The following ERGIC2 variants were observed in gnomAD, a reference collection of about 807,000 sequenced individuals.
ERGIC2 encodes endoplasmic reticulum-Golgi intermediate compartment protein 2.
Under a neutral mutation model 52.5 loss-of-function variants are expected in ERGIC2, and 31 were observed. The ratio of observed to expected loss-of-function variants is 0.59; its 90% CI spans 0.44 to 0.80. The LOEUF is 0.80. Among genes scored for constraint, ERGIC2 ranks in the 30% least tolerant of loss-of-function variants. ERGIC2 has a pLI of 0.00. For missense variants in ERGIC2, 395 were observed against 455.2 expected, an observed-to-expected ratio of 0.87 and a Z score of 1.20; for synonymous variants, 129 against 140.6, an observed-to-expected ratio of 0.92 and a Z score of 0.58.
chr12:29,361,627 A>T lies in ERGIC2; in HGVS notation c.374+18T>A. Reference sequence around the variant, plus strand: ...GACTTAGATTTCTATGGACCACAATACTTTGTTCTCTTATTACCTCTGCCA... The same window carrying T: ...GACTTAGATTTCTATGGACCACAATTCTTTGTTCTCTTATTACCTCTGCCA... On this transcript the variant is annotated intron_variant, in intron 6 of 13. Transcript: ENST00000360150. The T allele has an allele frequency of 6.3e-7, 1 of 1,590,424 alleles. No individual in the cohort carries two copies. The highest frequency in any genetic ancestry group is 8.6e-7 in the Non-Finnish European group (1 of 1,165,586).
At chr12:29,343,335 T>A in intron 11 of ERGIC2, 53 bp from the exon 12 acceptor site, 4 of 1,437,792 alleles carry the variant, frequency 2.8e-6, no homozygotes, top group South Asian at 1.4e-5. Context: ...AGAAACAGAA[T>A]TCATGTCATC....
At position 29,349,104 on chromosome 12, in the gene ERGIC2, A is replaced by G. The variant is rs895614465; in HGVS notation, c.702T>C (p.Asp234=). ...GATCTATAGCAATTTTTTCAGTTCC[A>G]TCTAAAGGATTAATAATTGCTGGAA... ...ELVPAIINPL[D]GTEKIAIDHN... is the part of the protein sequence containing the mutation. The change falls in exon 10 of 14, where the codon GAT becomes GAC. Residue 234 remains aspartate, a synonymous_variant. Coordinates refer to ENST00000360150, the MANE Select transcript of ERGIC2 (RefSeq NM_016570.3). The G allele has an allele frequency of 1.3e-6, 2 of 1,564,134 alleles. No individual in the cohort carries two copies. Among genetic ancestry groups the G allele is most frequent in the Non-Finnish European group, 1.7e-6 (2 of 1,150,980 alleles).
At chr12:29,344,419 T>C (rs1259657869) in intron 11 of ERGIC2, among the ~76,000 whole-genome samples, 1 of 152,210 alleles carries the variant, frequency 6.6e-6, no homozygotes, top group East Asian at 1.9e-4. Context: ...CAACTGTATG[T>C]ATTGCCTTGA....
In ERGIC2 at chr12:29,350,044, A is replaced by G. The variant is rs763525481; in HGVS notation, c.597T>C (p.His199=). ...VGKAIPHPRG[H]AHLAALVNHE... ...GGTTGACAAGTGCTGCCAAATGTGC[A>G]TGACCACGAGGATGTGGAATTGCCC... is the stretch of plus-strand genomic sequence containing the variant. Residue 199 remains histidine, a synonymous_variant, in exon 9 of 14, where the codon CAT becomes CAC. Transcript: ENST00000360150. 41 of 1,608,170 alleles carry G rather than the reference A, an allele frequency of 2.5e-5. 1 individual carries two copies. The East Asian group carries it at 8.0e-4, about 32-fold the overall frequency.
intron 1 of ERGIC2, among the ~76,000 whole-genome samples, chr12:29,379,088 CTA>C (rs1410834140): frequency 2.0e-5 from 3 of 152,072 alleles, no homozygotes; most frequent in Admixed American, 6.6e-5. Context: ...TTAAGAGAGA[CTA>C]TAGAGTGATA....
At chr12:29,344,518 T>C (rs1940015213) in intron 11 of ERGIC2, among the ~76,000 whole-genome samples, 1 of 152,180 alleles carries the variant, frequency 6.6e-6, no homozygotes, top group Admixed American at 6.5e-5. Flanking sequence ...GTATAAACTT[T>C]ACCTAGTTTC....
At chr12:29,374,154 C>T (rs1474354695) in intron 1 of ERGIC2, among the ~76,000 whole-genome samples, 1 of 152,158 alleles carries the variant, frequency 6.6e-6, no homozygotes, top group Non-Finnish European at 1.5e-5. Context: ...GTGACTACTT[C>T]CTCACCCAAC....
chr12:29,349,212 A>G (rs902629390), intron 9 of ERGIC2, 35 bp from the exon 10 acceptor site: 11 of 1,023,312 alleles, frequency 1.1e-5, no homozygotes, highest in Non-Finnish European at 1.6e-5. Flanking sequence ...CTTAGCAGAG[A>G]AATTATATTA....
chr12:29,353,811 A>G (rs1940167126), intron 8 of ERGIC2, among the ~76,000 whole-genome samples: 1 of 152,048 alleles, frequency 6.6e-6, no homozygotes, highest in African/African-American at 2.4e-5. Flanking sequence ...TAAATTTAAA[A>G]ATCAAATTAA....
At chr12:29,343,764 G>A (rs573266177) in intron 11 of ERGIC2, among the ~76,000 whole-genome samples, 16 of 152,072 alleles carry the variant, frequency 1.1e-4, no homozygotes, top group Admixed American at 5.9e-4. Context: ...ACATCTTAAA[G>A]CTCTAAAATG....
intron 7 of ERGIC2, among the ~76,000 whole-genome samples, chr12:29,356,758 CAAAAT>C (rs144781775): frequency 0.027 from 4,107 of 151,994 alleles, 75 homozygotes; most frequent in Non-Finnish European, 0.041. Context: ...AAGACTAAAA[CAAAAT>C]AATTAGTCCA....
At chr12:29,370,006 C>T (rs914483705) in intron 3 of ERGIC2, 108 bp downstream of exon 3, 11 of 1,088,704 alleles carry the variant, frequency 1.0e-5, no homozygotes, top group African/African-American at 1.7e-5. Flanking sequence ...TTCTTCAGAA[C>T]TAAAACAAAC....
At chr12:29,355,007 T>C (rs896263547) in intron 8 of ERGIC2, among the ~76,000 whole-genome samples, 1 of 152,192 alleles carries the variant, frequency 6.6e-6, no homozygotes, top group African/African-American at 2.4e-5. Flanking sequence ...GATCTGAGTA[T>C]TGTAAATACT....
At chr12:29,353,746 C>G (rs1940166056) in intron 8 of ERGIC2, among the ~76,000 whole-genome samples, 2 of 147,838 alleles carry the variant, frequency 1.4e-5, no homozygotes, top group African/African-American at 5.0e-5. Context: ...TTTTTGTTAA[C>G]AGGTGTATTC....
intron 5 of ERGIC2, among the ~76,000 whole-genome samples, chr12:29,366,503 G>A (rs1940364289): frequency 6.6e-6 from 1 of 151,728 alleles, no homozygotes; most frequent in South Asian, 2.1e-4. Flanking sequence ...TTTGGTCATA[G>A]TAGAATACAA....
At chr12:29,348,940 T>TGA in intron 10 of ERGIC2, 139 bp downstream of exon 10, 1 of 514,774 alleles carries the variant, frequency 1.9e-6, no homozygotes, top group East Asian at 3.6e-5. Flanking sequence ...ACAAATTCTC[T>TGA]TCACATACAT....
In ERGIC2 at chr12:29,337,887, G is replaced by A. The variant is rs1949808013; in HGVS notation, c.*3269C>T. 1 of 152,116 alleles carries A rather than the reference G, an allele frequency of 6.6e-6. No homozygotes were observed. Among genetic ancestry groups the A allele is most frequent in the Admixed American group, 6.6e-5 (1 of 15,258 alleles). 9.4% of individuals were successfully genotyped at this position (152,116 alleles called of 1,614,324 possible). A position where few individuals can be genotyped will look rare whatever the true frequency, so the allele number is the denominator to read the frequency against. On this transcript the variant is annotated 3_prime_UTR_variant, in exon 14 of 14. Coordinates refer to ENST00000360150, the MANE Select transcript of ERGIC2 (RefSeq NM_016570.3). ...TCTCTCTTACACTATTAAAAAATTA[G>A]ATCTGTCCAGGGGCAGTGGCTCATG...
At chr12:29,342,013 C>CAGCACAATCTT (rs1222598418) in intron 12 of ERGIC2, 197 bp from the exon 13 acceptor site, 1 of 433,614 alleles carries the variant, frequency 2.3e-6, no homozygotes, top group Non-Finnish European at 4.2e-6. Flanking sequence ...TTCACGATCT[C>CAGCACAATCTT]AGCACAATCT....
At chr12:29,364,854 C>T (rs1565542378) in intron 5 of ERGIC2, among the ~76,000 whole-genome samples, 1 of 151,602 alleles carries the variant, frequency 6.6e-6, no homozygotes, top group Admixed American at 6.6e-5. Flanking sequence ...TGAAGAAATG[C>T]TCCATATCAG....
Sources: gnomAD v4.1 joint callset for allele counts (sites outside exome capture counted in the v4.1 genomes callset) on GRCh38, gnomAD v4.1.1 for gene constraint, MANE v1.5 for transcripts, NCBI Gene and HGNC (gene_info 2026-07-23, HGNC 2026-07-21) for gene names.